MED27: variants seen among roughly 807,000 people sequenced by gnomAD.
MED27 encodes mediator of RNA polymerase II transcription subunit 27.
MED27 carries 30 observed loss-of-function variants against 38.2 expected under a neutral mutation model. That is an observed-to-expected ratio of 0.79 (90% CI 0.59 to 1.07). The LOEUF (loss-of-function observed/expected upper bound fraction) is 1.07. Among genes scored for constraint, MED27 ranks in the 50% least tolerant of loss-of-function variants. The pLI is 0.00. For missense variants in MED27, 289 were observed against 397.5 expected, an observed-to-expected ratio of 0.73 and a Z score of 2.32; for synonymous variants, 122 against 153.5, an observed-to-expected ratio of 0.79 and a Z score of 1.52.
At chr9:131,992,531 G>C (rs574780080) in intron 3 of MED27, among the ~76,000 whole-genome samples, 1 of 152,160 alleles carries the variant, frequency 6.6e-6, no homozygotes, top group African/African-American at 2.4e-5. Context: ...CCGAGTAGCT[G>C]GGACTATAGG....
Position 131,860,706 on chromosome 9 carries a change from T to C in MED27, c.802-34A>G. On this transcript the variant is annotated intron_variant, in intron 7 of 7. Transcript: ENST00000292035. The surrounding 1 kb of genome is among the most constrained non-coding windows in gnomAD (Gnocchi z 5.8). ...AGAAACGAGGAGAGAAGTGAAAGAA[T>C]GGGATACGGGTGCTCCCAAAGTCCT... 1 of 1,608,074 alleles carries C rather than the reference T, an allele frequency of 6.2e-7. No homozygotes were observed. Among genetic ancestry groups the C allele is most frequent in the South Asian group, 1.1e-5 (1 of 89,846 alleles).
Position 132,077,463 on chromosome 9 carries a change from T to G in MED27, c.327A>C (p.Gln109His), listed in dbSNP as rs758747915. Residue 109 changes from glutamine to histidine, a missense_variant, in exon 2 of 8, where the codon CAA (glutamine) becomes CAC (histidine). Gln to His is a conservative substitution (Grantham distance 24). Coordinates refer to ENST00000292035, the MANE Select transcript of MED27 (RefSeq NM_004269.4). ...TTACCTTGTTTGACCACTTATATGC[T>G]TGAAGGAGTTGACTATAGAGAGGAG... ...DKTPLYSQLL[Q>H]AYKWSNKLQY... 1 of 1,614,110 alleles carries G rather than the reference T, an allele frequency of 6.2e-7. No individual in the cohort carries two copies. Among genetic ancestry groups the G allele is most frequent in the Non-Finnish European group, 8.5e-7 (1 of 1,180,012 alleles).
At chr9:131,963,251 G>T (rs560372891) in intron 3 of MED27, among the ~76,000 whole-genome samples, 114 of 152,184 alleles carry the variant, frequency 7.5e-4, no homozygotes, top group South Asian at 5.2e-3. Context: ...GAGAGGAAAT[G>T]GAATTGTTCC....
At chr9:132,077,051 T>A (rs1287887106) in intron 2 of MED27, among the ~76,000 whole-genome samples, 1 of 152,178 alleles carries the variant, frequency 6.6e-6, no homozygotes, top group Non-Finnish European at 1.5e-5. Flanking sequence ...TGTGCGCAGC[T>A]AAACATTTAG....
intron 2 of MED27, among the ~76,000 whole-genome samples, chr9:132,046,280 T>C (rs1293663367): frequency 6.6e-6 from 1 of 152,188 alleles, no homozygotes; most frequent in Admixed American, 6.5e-5. Context: ...AAGATGAAAG[T>C]AGTTTTATTT....
At chr9:131,877,005 G>A (rs913197290) in intron 6 of MED27, among the ~76,000 whole-genome samples, 1 of 152,278 alleles carries the variant, frequency 6.6e-6, no homozygotes, top group African/African-American at 2.4e-5. Context: ...CATTTAAGAG[G>A]CGGGGAGATG....
At chr9:131,977,760 T>C (rs1169486886) in intron 3 of MED27, among the ~76,000 whole-genome samples, 36 of 152,156 alleles carry the variant, frequency 2.4e-4, no homozygotes. Flanking sequence ...AATAAGTAAA[T>C]TGGTCATTGT....
At chr9:131,941,714 C>G (rs1451766721) in intron 3 of MED27, among the ~76,000 whole-genome samples, 1 of 151,800 alleles carries the variant, frequency 6.6e-6, no homozygotes, top group Non-Finnish European at 1.5e-5. Flanking sequence ...ACAGCATCTC[C>G]TATCTCTCAA....
At chr9:131,964,328 G>GTCGAGGTGATGGTGGTA in intron 3 of MED27, among the ~76,000 whole-genome samples, 1 of 146,116 alleles carries the variant, frequency 6.8e-6, no homozygotes, top group South Asian at 2.4e-4. Flanking sequence ...TGGTGGTGGA[G>GTCGAGGTGATGGTGGTA]GTGATGGTGG....
intron 3 of MED27, among the ~76,000 whole-genome samples, chr9:131,961,330 G>A (rs1276454789): frequency 1.3e-5 from 2 of 152,210 alleles, no homozygotes; most frequent in Non-Finnish European, 2.9e-5. Context: ...GCGGCTCTGG[G>A]TAATCACATC....
At chr9:132,067,834 C>A (rs1298216163) in intron 2 of MED27, among the ~76,000 whole-genome samples, 1 of 152,036 alleles carries the variant, frequency 6.6e-6, no homozygotes, top group Non-Finnish European at 1.5e-5. Flanking sequence ...GCCTCAGCCT[C>A]CCCAGTAGCT....
chr9:131,897,939 C>A (rs1465706537), intron 4 of MED27, among the ~76,000 whole-genome samples: 1 of 152,148 alleles, frequency 6.6e-6, no homozygotes, highest in Non-Finnish European at 1.5e-5. Flanking sequence ...ATCCCCCTCC[C>A]AACCCCATGT....
Position 131,997,694 on chromosome 9 carries a change from C to T in MED27, c.479+16643G>A, listed in dbSNP as rs986905176. Among the ~76,000 whole-genome samples the T allele has an allele frequency of 2.6e-5, 4 of 152,198 alleles. No homozygotes were observed. The highest frequency in any genetic ancestry group is 4.4e-5 in the Non-Finnish European group (3 of 68,030). ...TACTACAGCTGAGACATACAGATTC[C>T]GGGTTCTCTGTGCCCAGGTTTGAAT... On this transcript the variant is annotated intron_variant, in intron 3 of 7. Coordinates refer to ENST00000292035, the MANE Select transcript of MED27 (RefSeq NM_004269.4). The surrounding 1 kb of genome is among the most constrained non-coding windows in gnomAD (Gnocchi z 4.0).
At chr9:131,983,388 T>C (rs1185046006) in intron 3 of MED27, among the ~76,000 whole-genome samples, 2 of 152,226 alleles carry the variant, frequency 1.3e-5, no homozygotes, top group Admixed American at 1.3e-4. Context: ...CCAAGCAAAC[T>C]TTCTCAGTGT....
rs1236385903 is a variant in MED27 at position 132,014,407 on chromosome 9, CG to C, written c.408del (p.Ala137LeufsTer29). 1 of 1,613,688 alleles carries C rather than the reference CG, an allele frequency of 6.2e-7. No individual in the cohort carries two copies. Among genetic ancestry groups the C allele is most frequent in the African/African-American group, 1.3e-5 (1 of 74,922 alleles). On this transcript the variant is annotated frameshift_variant, in exon 3 of 8. Transcript: ENST00000292035. LOFTEE classifies it high-confidence loss of function. ...TTGGCAGATACTCCCATCTGATTAG[CG>C]GAACGCTTCAATGACTGCTGATTTA... The part of the protein sequence containing the change: ...GLLNQQSLKR[S>X]ANQMGVSAKR...
intron 6 of MED27, among the ~76,000 whole-genome samples, chr9:131,878,240 T>A (rs1188741082): frequency 6.6e-6 from 1 of 151,456 alleles, no homozygotes; most frequent in Non-Finnish European, 1.5e-5. Context: ...ACCACTGCAC[T>A]CCAGCCTGGG....
At chr9:131,929,894 C>T (rs576846363) in intron 4 of MED27, among the ~76,000 whole-genome samples, 1 of 152,238 alleles carries the variant, frequency 6.6e-6, no homozygotes, top group Admixed American at 6.5e-5. Context: ...CTTGAATGAA[C>T]ATAGGCGTAG....
chr9:131,931,561 A>G (rs1401413461), intron 4 of MED27, among the ~76,000 whole-genome samples: 1 of 152,232 alleles, frequency 6.6e-6, no homozygotes, highest in Non-Finnish European at 1.5e-5. Flanking sequence ...CAAAAGACAC[A>G]GAGTAGCTGA....
At chr9:131,879,267 C>CA in intron 6 of MED27, among the ~76,000 whole-genome samples, 1 of 151,742 alleles carries the variant, frequency 6.6e-6, no homozygotes, top group African/African-American at 2.4e-5. Context: ...CTCTGCAAGG[C>CA]AATCCCCCTA....
Sources: allele counts gnomAD v4.1 joint callset (sites outside exome capture counted in the v4.1 genomes callset), GRCh38; gene constraint gnomAD v4.1.1; non-coding constraint Gnocchi (gnomAD v3.1); transcripts MANE v1.5; gene names NCBI Gene and HGNC (gene_info 2026-07-23, HGNC 2026-07-21).